Variants in KCNQ5 observed in about 807,000 individuals in gnomAD.
KCNQ5 encodes potassium voltage-gated channel subfamily KQT member 5.
Under a neutral mutation model 98.2 loss-of-function variants are expected in KCNQ5, and 30 were observed. The ratio of observed to expected loss-of-function variants is 0.31; its 90% CI spans 0.23 to 0.41. KCNQ5 has a LOEUF of 0.41. Ranked by LOEUF, KCNQ5 falls within the 10% of genes least tolerant of loss-of-function variation. KCNQ5 has a pLI of 1.00. For missense variants in KCNQ5, 835 were observed against 1,182.5 expected (o/e 0.71, Z 4.31); for synonymous variants, 458 against 449.4 (o/e 1.02, Z -0.24).
intron 1 of KCNQ5, among the ~76,000 whole-genome samples, chr6:72,720,514 C>A (rs567559098): frequency 6.6e-6 from 1 of 152,142 alleles, no homozygotes; most frequent in Non-Finnish European, 1.5e-5. Flanking sequence ...CTTGTTCCCA[C>A]AGATTCTAGA....
intron 11 of KCNQ5, among the ~76,000 whole-genome samples, chr6:73,189,633 G>A (rs9343016): frequency 0.54 from 82,003 of 151,994 alleles, 23,126 homozygotes; most frequent in African/African-American, 0.71. Context: ...AAACACCAAC[G>A]GATTTAAATT....
At chr6:72,935,511 C>A (rs1765877190) in intron 1 of KCNQ5, among the ~76,000 whole-genome samples, 1 of 152,190 alleles carries the variant, frequency 6.6e-6, no homozygotes, top group African/African-American at 2.4e-5. Flanking sequence ...ACTGCCGGCA[C>A]TCAGAAGCAG....
chr6:72,979,947 T>G (rs888132348), intron 1 of KCNQ5, among the ~76,000 whole-genome samples: 2 of 152,174 alleles, frequency 1.3e-5, no homozygotes, highest in African/African-American at 2.4e-5. Flanking sequence ...TTTCCCCATT[T>G]CTTGTTTTTG....
intron 1 of KCNQ5, among the ~76,000 whole-genome samples, chr6:72,655,638 G>C (rs1198988557): frequency 6.6e-6 from 1 of 152,146 alleles, no homozygotes; most frequent in African/African-American, 2.4e-5. Flanking sequence ...GAAGAAAAAG[G>C]GACATAAAAG....
intron 1 of KCNQ5, among the ~76,000 whole-genome samples, chr6:72,821,630 T>A (rs1775757288): frequency 6.6e-6 from 1 of 152,084 alleles, no homozygotes; most frequent in Non-Finnish European, 1.5e-5. Flanking sequence ...TTTTGTTTTT[T>A]TTTTTAATGT....
intron 5 of KCNQ5, 50 bp from the exon 6 acceptor site, chr6:73,105,207 A>T: frequency 9.3e-7 from 1 of 1,073,172 alleles, no homozygotes; most frequent in Non-Finnish European, 1.4e-6. Flanking sequence ...ATAGGTCCTA[A>T]CTTTCCTCTC....
chr6:72,628,819 G>T (rs1001062817), intron 1 of KCNQ5, among the ~76,000 whole-genome samples: 1 of 152,002 alleles, frequency 6.6e-6, no homozygotes, highest in Non-Finnish European at 1.5e-5. Flanking sequence ...CGCTATGTTG[G>T]CCAGGCTGGT....
At chr6:73,142,741 C>T (rs1329770491) in intron 10 of KCNQ5, among the ~76,000 whole-genome samples, 4 of 152,140 alleles carry the variant, frequency 2.6e-5, no homozygotes, top group East Asian at 3.9e-4. Flanking sequence ...CATGGTGAAA[C>T]CCTGTCTCTA....
intron 11 of KCNQ5, among the ~76,000 whole-genome samples, chr6:73,185,651 A>T (rs1778544985): frequency 6.6e-6 from 1 of 152,218 alleles, no homozygotes; most frequent in South Asian, 2.1e-4. Context: ...GTGGAAGGTG[A>T]TGAGGCAAGA....
intron 1 of KCNQ5, among the ~76,000 whole-genome samples, chr6:72,765,565 A>G (rs373050498): frequency 6.6e-6 from 1 of 152,034 alleles, no homozygotes. Flanking sequence ...TTATCAAAAA[A>G]GGTCCTAAGA....
At chr6:72,745,797 C>A (rs1771367385) in intron 1 of KCNQ5, among the ~76,000 whole-genome samples, 1 of 152,112 alleles carries the variant, frequency 6.6e-6, no homozygotes, top group South Asian at 2.1e-4. Flanking sequence ...GTCTGAAGGT[C>A]ATATTCTTTC....
At chr6:73,035,888 AT>A (rs1392267343) in intron 2 of KCNQ5, among the ~76,000 whole-genome samples, 3 of 152,128 alleles carry the variant, frequency 2.0e-5, no homozygotes, top group Admixed American at 1.3e-4. Context: ...AAAATGTAAC[AT>A]TTTGTAAAAC....
At chr6:72,894,414 G>A (rs140589652) in intron 1 of KCNQ5, among the ~76,000 whole-genome samples, 1 of 152,226 alleles carries the variant, frequency 6.6e-6, no homozygotes, top group African/African-American at 2.4e-5. Flanking sequence ...GGCAACTTGA[G>A]TGGCATTGAG....
intron 1 of KCNQ5, among the ~76,000 whole-genome samples, chr6:72,870,265 GT>G (rs1463611386): frequency 6.6e-6 from 1 of 151,786 alleles, no homozygotes; most frequent in Non-Finnish European, 1.5e-5. Flanking sequence ...TGTCTTTTGG[GT>G]TTTTTGTTTT....
chr6:72,773,092 A>G (rs1355831564), intron 1 of KCNQ5, among the ~76,000 whole-genome samples: 2 of 152,194 alleles, frequency 1.3e-5, no homozygotes, highest in Non-Finnish European at 2.9e-5. Flanking sequence ...TAGAAATACC[A>G]TTTGACCCAG....
chr6:72,622,469 C>T lies in KCNQ5; in HGVS notation c.280C>T (p.Leu94Phe). ...CCGGATGAGCCTGCTGGGGAAGCCG[C>T]TCTCTTACACGAGTAGCCAGAGCTG... ...GARMSLLGKP[L>F]SYTSSQSCRR... The change falls in exon 1 of 14, where the codon CTC becomes TTC. Residue 94 changes from leucine (L) to phenylalanine (F), a missense_variant. Coordinates refer to ENST00000370398, the MANE Select transcript of KCNQ5 (RefSeq NM_019842.4). The surrounding 1 kb of genome is among the most constrained non-coding windows in gnomAD (Gnocchi z 6.0). 1 of 1,601,436 alleles carries T rather than the reference C, an allele frequency of 6.2e-7. No individual in the cohort carries two copies. Among genetic ancestry groups the T allele is most frequent in the Non-Finnish European group, 8.5e-7 (1 of 1,174,538 alleles).
chr6:72,957,184 T>TC (rs1384679151), intron 1 of KCNQ5, among the ~76,000 whole-genome samples: 1 of 151,238 alleles, frequency 6.6e-6, no homozygotes, highest in Non-Finnish European at 1.5e-5. Context: ...TTTTTTTTTT[T>TC]TTTTGAGATA....
rs532968622 is a variant in KCNQ5, at chr6:73,077,081, G to A, written c.617-241G>A. On this transcript the variant is annotated intron_variant, in intron 3 of 13. Transcript: ENST00000370398. ...TAATACGTTGTTCAAAATTGCATAGGTAAAGCGCAGAATGGCCAAAGGGTC... is the reference window on the plus strand; with the variant it reads ...TAATACGTTGTTCAAAATTGCATAGATAAAGCGCAGAATGGCCAAAGGGTC... 2.1e-4 allele frequency among the ~76,000 whole-genome samples: 32 copies of A among 152,310 alleles called. No individual in the cohort carries two copies. The South Asian group carries it at 3.5e-3, about 17-fold the overall frequency.
intron 1 of KCNQ5, among the ~76,000 whole-genome samples, chr6:72,667,448 A>G (rs1410014979): frequency 2.0e-5 from 3 of 152,200 alleles, no homozygotes; most frequent in Non-Finnish European, 4.4e-5. Context: ...GAAAATTGAA[A>G]ATCACCATTA....
Sources: allele counts gnomAD v4.1 joint callset (sites outside exome capture counted in the v4.1 genomes callset), GRCh38; gene constraint gnomAD v4.1.1; non-coding constraint Gnocchi (gnomAD v3.1); transcripts MANE v1.5; gene names NCBI Gene and HGNC (gene_info 2026-07-23, HGNC 2026-07-21).